The following SLCO3A1 variants were observed in gnomAD, a reference collection of about 807,000 sequenced individuals.
SLCO3A1 encodes PGE1 transporter.
In SLCO3A1, 27 loss-of-function variants were observed where a neutral mutation model predicts 63.1. The ratio of observed to expected loss-of-function variants is 0.43; its 90% CI spans 0.32 to 0.59. SLCO3A1 has a LOEUF of 0.59. Among genes scored for constraint, SLCO3A1 ranks in the 20% least tolerant of loss-of-function variants. SLCO3A1 has a pLI of 0.09. For missense variants in SLCO3A1, 773 were observed against 945.8 expected (o/e 0.82, Z 2.40); for synonymous variants, 473 against 409.9 (o/e 1.15, Z -1.86).
intron 2 of SLCO3A1, among the ~76,000 whole-genome samples, chr15:92,065,329 C>T (rs2047137550): frequency 6.6e-6 from 1 of 152,100 alleles, no homozygotes; most frequent in African/African-American, 2.4e-5. Context: ...CTGAGGTGAT[C>T]CACCTACCTC....
intron 2 of SLCO3A1, among the ~76,000 whole-genome samples, chr15:92,066,318 A>G (rs1051127591): frequency 1.3e-5 from 2 of 152,244 alleles, no homozygotes; most frequent in Admixed American, 6.5e-5. Flanking sequence ...TGGCTTCACC[A>G]GTTACCAGCT....
chr15:92,073,183 T>C (rs762173246), intron 2 of SLCO3A1, among the ~76,000 whole-genome samples: 6 of 152,164 alleles, frequency 3.9e-5, no homozygotes, highest in Non-Finnish European at 7.4e-5. Context: ...ACAAGACCAC[T>C]TGGCCTCTCG....
In SLCO3A1 at chr15:92,163,556, T is replaced by TAA. The variant is rs34029747; in HGVS notation, c.*432_*433dup. The TAA allele has an allele frequency of 1.4e-6, 1 of 716,100 alleles. No individual in the cohort carries two copies. Among genetic ancestry groups the TAA allele is most frequent in the Non-Finnish European group, 1.6e-6 (1 of 617,950 alleles). The allele number at this position is 716,100 out of a possible 1,614,324, so 44.4% of individuals were successfully genotyped here. Reference sequence around the variant, plus strand: ...AGAAGTTTCCTAAAATAAAAAAAATTAAAAAAAAAAAACCCACAAGTTGAA... The same window carrying TAA: ...AGAAGTTTCCTAAAATAAAAAAAATTAAAAAAAAAAAAAACCCACAAGTTGAA... On this transcript the variant is annotated 3_prime_UTR_variant, in exon 10 of 10. Transcript: ENST00000318445.
intron 7 of SLCO3A1, among the ~76,000 whole-genome samples, chr15:92,145,656 TAA>T (rs1293016338): frequency 3.9e-5 from 6 of 152,126 alleles, no homozygotes; most frequent in African/African-American, 1.4e-4. Context: ...GACAAAGAGC[TAA>T]AAAGTCTCTA....
At chr15:92,031,965 G>C (rs1258620442) in intron 2 of SLCO3A1, among the ~76,000 whole-genome samples, 9 of 152,066 alleles carry the variant, frequency 5.9e-5, no homozygotes, top group Non-Finnish European at 5.9e-5. Flanking sequence ...AGGAATTTTC[G>C]AGCCTCAGTA....
At position 92,165,418 on chromosome 15, in the gene SLCO3A1, A is replaced by G. The variant is rs1213586494; in HGVS notation, c.*2283A>G. On this transcript the variant is annotated 3_prime_UTR_variant, in exon 10 of 10. Coordinates refer to ENST00000318445, the MANE Select transcript of SLCO3A1 (RefSeq NM_013272.4). ...AATATATTGCTAATAGGTCACTCTT[A>G]TAGATTATTGCTTGGCCCTTCAAAC... The G allele has an allele frequency of 2.0e-6, 2 of 985,140 alleles. No homozygotes were observed. Among genetic ancestry groups the G allele is most frequent in the Non-Finnish European group, 2.4e-6 (2 of 829,852 alleles). The allele number at this position is 985,140 out of a possible 1,614,324, so 61.0% of individuals were successfully genotyped here.
At chr15:92,038,794 A>C (rs2151485660) in intron 2 of SLCO3A1, among the ~76,000 whole-genome samples, 1 of 152,348 alleles carries the variant, frequency 6.6e-6, no homozygotes, top group African/African-American at 2.4e-5. Flanking sequence ...CCATATAGCC[A>C]AGACCATCCT....
At chr15:91,892,478 C>T (rs774196741) in intron 1 of SLCO3A1, among the ~76,000 whole-genome samples, 1 of 152,158 alleles carries the variant, frequency 6.6e-6, no homozygotes, top group Non-Finnish European at 1.5e-5. Context: ...GGAGGTAGGA[C>T]TTATCCTCTG....
intron 1 of SLCO3A1, among the ~76,000 whole-genome samples, chr15:91,864,054 G>T (rs1333934637): frequency 6.6e-6 from 1 of 152,222 alleles, no homozygotes; most frequent in South Asian, 2.1e-4. Context: ...AGATGGGGAG[G>T]TTCTCCTTGC....
chr15:91,982,098 G>A (rs2045995135), intron 2 of SLCO3A1, among the ~76,000 whole-genome samples: 1 of 152,262 alleles, frequency 6.6e-6, no homozygotes, highest in Admixed American at 6.5e-5. Context: ...CCAGATTCTG[G>A]CCCTCAGGCA....
At chr15:91,925,316 C>T (rs981976510) in intron 2 of SLCO3A1, among the ~76,000 whole-genome samples, 10 of 152,190 alleles carry the variant, frequency 6.6e-5, no homozygotes, top group Non-Finnish European at 1.5e-4. Context: ...TTCTGTCGAG[C>T]ATTGTGTTTT....
chr15:92,118,412 A>G (rs904133618), intron 4 of SLCO3A1, among the ~76,000 whole-genome samples: 1 of 152,198 alleles, frequency 6.6e-6, no homozygotes, highest in Admixed American at 6.5e-5. Context: ...AAGAACCCTA[A>G]GATGCTGATC....
Position 92,154,940 on chromosome 15 carries a change from G to A in SLCO3A1, c.1753+3926G>A, listed in dbSNP as rs559592836. Among the ~76,000 whole-genome samples the A allele has an allele frequency of 5.9e-5, 9 of 152,302 alleles. No homozygotes were observed. The East Asian group carries it at 9.6e-4, about 16-fold the overall frequency. On this transcript the variant is annotated intron_variant, in intron 9 of 9. Coordinates refer to ENST00000318445, the MANE Select transcript of SLCO3A1 (RefSeq NM_013272.4). ...GGCCAAAGCCTCATTGTCTGACTTC[G>A]AGATTATGGAAGTGGAGCAGTTCTG...
At chr15:91,871,552 G>C (rs115473861) in intron 1 of SLCO3A1, among the ~76,000 whole-genome samples, 9 of 152,284 alleles carry the variant, frequency 5.9e-5, no homozygotes, top group African/African-American at 2.2e-4. Context: ...CAGAAGAAGA[G>C]AATATAGGGA....
Position 92,163,643 on chromosome 15 carries a change from T to TGGGGGC in SLCO3A1, c.*512_*517dup, listed in dbSNP as rs1456524731. On this transcript the variant is annotated 3_prime_UTR_variant, in exon 10 of 10. Transcript: ENST00000318445. Reference sequence around the variant, plus strand: ...GCCACCCTCTTCCTCCAGGTGGGGGTGGGGGCGGGCGCACAAGTCGGAGGG... The same window carrying TGGGGGC: ...GCCACCCTCTTCCTCCAGGTGGGGGTGGGGGCGGGGGCGGGCGCACAAGTCGGAGGG... 5.1e-6 allele frequency: 5 copies of TGGGGGC among 979,976 alleles called. No homozygotes were observed. Among genetic ancestry groups the TGGGGGC allele is most frequent in the East Asian group, 2.3e-4 (2 of 8,620 alleles). The allele number at this position is 979,976 out of a possible 1,614,324, so 60.7% of individuals were successfully genotyped here. A position where few individuals can be genotyped will look rare whatever the true frequency, so the allele number is the denominator to read the frequency against.
chr15:91,980,863 G>A (rs539515284), intron 2 of SLCO3A1, among the ~76,000 whole-genome samples: 5 of 152,310 alleles, frequency 3.3e-5, no homozygotes, highest in Non-Finnish European at 4.4e-5. Flanking sequence ...CCAGTGCACC[G>A]TGATGCTGAA....
chr15:92,143,682 T>A (rs886890986), intron 7 of SLCO3A1, among the ~76,000 whole-genome samples: 1 of 149,016 alleles, frequency 6.7e-6, no homozygotes, highest in Non-Finnish European at 1.5e-5. Flanking sequence ...ATTGTGGTTT[T>A]TGTCATTACT....
intron 2 of SLCO3A1, among the ~76,000 whole-genome samples, chr15:91,961,148 G>A (rs1166929284): frequency 6.6e-6 from 1 of 152,134 alleles, no homozygotes; most frequent in African/African-American, 2.4e-5. Context: ...TGAATACTTA[G>A]TTTATCTCAT....
At position 91,957,635 on chromosome 15, in the gene SLCO3A1, C is replaced by T. The variant is rs148729899; in HGVS notation, c.646+41177C>T. ...CCTCCTGGCTCTCCTTCATTTGGTTCAGGGCTTTGCTCAGATACTACCTTA... is the reference window on the plus strand; with the variant it reads ...CCTCCTGGCTCTCCTTCATTTGGTTTAGGGCTTTGCTCAGATACTACCTTA... On this transcript the variant is annotated intron_variant, in intron 2 of 9. Transcript: ENST00000318445. 2.9e-3 allele frequency among the ~76,000 whole-genome samples: 437 copies of T among 152,236 alleles called. 5 individuals carry two copies. The highest frequency in any genetic ancestry group is 4.8e-3 in the Non-Finnish European group (325 of 68,008).
Sources: allele counts gnomAD v4.1 joint callset (sites outside exome capture counted in the v4.1 genomes callset), GRCh38; gene constraint gnomAD v4.1.1; transcripts MANE v1.5; gene names NCBI Gene and HGNC (gene_info 2026-07-23, HGNC 2026-07-21).